Variants in MAGI1 observed in about 807,000 individuals in gnomAD.
MAGI1 encodes membrane-associated guanylate kinase, WW and PDZ domain-containing protein 1.
Under a neutral mutation model 139.9 loss-of-function variants are expected in MAGI1, and 58 were observed. That is an observed-to-expected ratio of 0.41 (90% confidence interval 0.34 to 0.52). The LOEUF (loss-of-function observed/expected upper bound fraction) is 0.52. Ranked by LOEUF, MAGI1 falls within the 20% of genes least tolerant of loss-of-function variation. MAGI1 has a pLI of 0.12. For missense variants in MAGI1, 1,874 were observed against 1,901.6 expected, an observed-to-expected ratio of 0.99 and a Z score of 0.27; for synonymous variants, 812 against 737.9, an observed-to-expected ratio of 1.10 and a Z score of -1.63.
chr3:65,391,694 T>G (rs1943932571), intron 13 of MAGI1, among the ~76,000 whole-genome samples: 1 of 152,200 alleles, frequency 6.6e-6, no homozygotes, highest in Non-Finnish European at 1.5e-5. Context: ...CATTTTCATT[T>G]TCACAAAAAT....
In MAGI1 at chr3:65,448,244, A is replaced by G. The variant is rs72896333; in HGVS notation, c.1043-187T>C. 3.6e-3 allele frequency: 2,234 copies of G among 616,570 alleles called. 46 individuals carry two copies. In the African/African-American group the frequency reaches 0.038, roughly 10 times the overall value. The allele number at this position is 616,570 out of a possible 1,614,324, so 38.2% of individuals were successfully genotyped here. A position where few individuals can be genotyped will look rare whatever the true frequency, so the allele number is the denominator to read the frequency against. ...CTTGCGACCTCAGTGTAAATCACAAAACGGGAAGAGCTGATATTGGCAAAA... is the reference window on the plus strand; with the variant it reads ...CTTGCGACCTCAGTGTAAATCACAAGACGGGAAGAGCTGATATTGGCAAAA... On this transcript the variant is annotated intron_variant, in intron 6 of 22. Transcript: ENST00000402939.
intron 22 of MAGI1, 125 bp downstream of exon 22, chr3:65,361,074 G>A: frequency 6.3e-7 from 1 of 1,584,160 alleles, no homozygotes; most frequent in Non-Finnish European, 8.6e-7. Context: ...TAATCACATG[G>A]TGCGAGAGGC....
intron 12 of MAGI1, among the ~76,000 whole-genome samples, chr3:65,402,112 T>G (rs73127503): frequency 0.039 from 5,960 of 152,278 alleles, 160 homozygotes; most frequent in East Asian, 0.072. Flanking sequence ...AGCACATGTC[T>G]GTCTCAACGT....
At chr3:65,489,578 G>C (rs567273162) in intron 3 of MAGI1, among the ~76,000 whole-genome samples, 1 of 152,142 alleles carries the variant, frequency 6.6e-6, no homozygotes, top group South Asian at 2.1e-4. Flanking sequence ...TTTATATACA[G>C]ATAGACAGAT....
chr3:65,619,979 T>A, intron 2 of MAGI1: 1 of 985,420 alleles, frequency 1.0e-6, no homozygotes, highest in Non-Finnish European at 1.2e-6. Flanking sequence ...TTCCACTGTT[T>A]TTAAAAGACA....
At chr3:65,458,537 T>G (rs1949552626) in intron 5 of MAGI1, among the ~76,000 whole-genome samples, 1 of 152,190 alleles carries the variant, frequency 6.6e-6, no homozygotes, top group East Asian at 1.9e-4. Flanking sequence ...ATTGTAGCTT[T>G]GATTTGCATT....
At chr3:66,015,846 A>G (rs1202187814) in intron 1 of MAGI1, among the ~76,000 whole-genome samples, 1 of 152,248 alleles carries the variant, frequency 6.6e-6, no homozygotes, top group Non-Finnish European at 1.5e-5. Flanking sequence ...TCATTCTAGA[A>G]CACTAAAGAC....
At chr3:65,822,637 G>A (rs149060059) in intron 1 of MAGI1, among the ~76,000 whole-genome samples, 196 of 152,362 alleles carry the variant, frequency 1.3e-3, no homozygotes, top group Non-Finnish European at 2.1e-3. Context: ...TGTACAGGAA[G>A]CATGATGCTG....
intron 5 of MAGI1, among the ~76,000 whole-genome samples, chr3:65,459,859 A>C (rs1949655624): frequency 6.6e-6 from 1 of 152,118 alleles, no homozygotes; most frequent in South Asian, 2.1e-4. Flanking sequence ...AGAGAAGTTA[A>C]GACTGCAGTG....
intron 1 of MAGI1, among the ~76,000 whole-genome samples, chr3:65,896,521 A>T (rs954711107): frequency 2.0e-5 from 3 of 152,212 alleles, no homozygotes; most frequent in African/African-American, 7.2e-5. Flanking sequence ...TTAAAACATG[A>T]AAAACTGGCT....
intron 2 of MAGI1, among the ~76,000 whole-genome samples, chr3:65,551,461 C>T (rs1451986662): frequency 5.9e-5 from 9 of 152,128 alleles, no homozygotes; most frequent in East Asian, 3.9e-4. Context: ...CCACCGCGCG[C>T]GGCTAATTTT....
intron 1 of MAGI1, among the ~76,000 whole-genome samples, chr3:65,712,586 C>T (rs980326885): frequency 6.6e-6 from 1 of 151,958 alleles, no homozygotes; most frequent in Non-Finnish European, 1.5e-5. Flanking sequence ...GATCTCAGCT[C>T]ACTACAACCT....
intron 1 of MAGI1, among the ~76,000 whole-genome samples, chr3:65,696,793 TC>T (rs1576778552): frequency 6.6e-6 from 1 of 152,094 alleles, no homozygotes; most frequent in East Asian, 1.9e-4. Flanking sequence ...TTACAAATTT[TC>T]CCTAAAGGAG....
chr3:65,869,419 G>C (rs985503423), intron 1 of MAGI1, among the ~76,000 whole-genome samples: 1 of 142,392 alleles, frequency 7.0e-6, no homozygotes, highest in African/African-American at 2.6e-5. Context: ...GTTGTTGTTT[G>C]AGACAGAGTC....
chr3:65,382,582 T>C (rs1943141702), intron 15 of MAGI1, among the ~76,000 whole-genome samples: 1 of 152,240 alleles, frequency 6.6e-6, no homozygotes, highest in Non-Finnish European at 1.5e-5. Context: ...AGTTAGTGTC[T>C]TGCTGTTATA....
At chr3:65,441,376 T>C (rs1316476149) in intron 8 of MAGI1, among the ~76,000 whole-genome samples, 2 of 152,208 alleles carry the variant, frequency 1.3e-5, no homozygotes, top group Admixed American at 1.3e-4. Flanking sequence ...AGCAGGTTTA[T>C]CAATAGAAAG....
chr3:65,575,607 G>A (rs188824316), intron 2 of MAGI1, among the ~76,000 whole-genome samples: 28 of 152,094 alleles, frequency 1.8e-4, no homozygotes, highest in African/African-American at 5.5e-4. Flanking sequence ...TAGACAAACT[G>A]GAAACAAACC....
intron 12 of MAGI1, among the ~76,000 whole-genome samples, chr3:65,407,566 T>TAAAC (rs1467498250): frequency 7.2e-5 from 11 of 151,758 alleles, no homozygotes; most frequent in Non-Finnish European, 1.2e-4. Flanking sequence ...CAACAAAGAA[T>TAAAC]ATTCAGTGAT....
At position 65,510,035 on chromosome 3, in the gene MAGI1, C is replaced by CA. The variant is rs532852810; in HGVS notation, c.431-16405dup. Among the ~76,000 whole-genome samples the CA allele has an allele frequency of 7.1e-4, 108 of 152,166 alleles. 3 individuals are homozygous for CA. In the East Asian group the frequency reaches 9.1e-3, roughly 13 times the overall value. On this transcript the variant is annotated intron_variant, in intron 2 of 22. Coordinates refer to ENST00000402939, the MANE Select transcript of MAGI1 (RefSeq NM_001033057.2). ...ACCCTAACTGGGAGGCAGCCCCCAG[C>CA]AGGGGCACACTGACACCTCACACTG...
Sources: allele counts gnomAD v4.1 joint callset (sites outside exome capture counted in the v4.1 genomes callset), GRCh38; gene constraint gnomAD v4.1.1; transcripts MANE v1.5; gene names NCBI Gene and HGNC (gene_info 2026-07-23, HGNC 2026-07-21).